The following PLD5 variants were observed in gnomAD, a reference collection of about 807,000 sequenced individuals.
The protein encoded by PLD5 is phospholipase D family member 5, also known as inactive phospholipase D5.
PLD5 carries 36 observed loss-of-function variants against 61.1 expected under a neutral mutation model. The ratio of observed to expected loss-of-function variants is 0.59; its 90% confidence interval spans 0.45 to 0.78. PLD5 has a LOEUF of 0.78. Ranked by LOEUF, PLD5 falls within the 30% of genes least tolerant of loss-of-function variation. The pLI, the probability that PLD5 is intolerant of heterozygous loss-of-function variation, is 0.00. For missense variants in PLD5, 515 were observed against 644.4 expected, an observed-to-expected ratio of 0.80 and a Z score of 2.17; for synonymous variants, 243 against 242.8, an observed-to-expected ratio of 1.00 and a Z score of -0.01.
chr1:242,503,293 A>T (rs1393840049), intron 1 of PLD5, among the ~76,000 whole-genome samples: 1 of 152,092 alleles, frequency 6.6e-6, no homozygotes, highest in Non-Finnish European at 1.5e-5. Context: ...GTTGTTTAAA[A>T]GGATGTGGCC....
At chr1:242,510,261 G>C (rs1180651004) in intron 1 of PLD5, among the ~76,000 whole-genome samples, 1 of 152,008 alleles carries the variant, frequency 6.6e-6, no homozygotes, top group Non-Finnish European at 1.5e-5. Context: ...TGCCAAATGG[G>C]GAACCACGGA....
At chr1:242,488,409 C>G (rs1025576390) in intron 1 of PLD5, among the ~76,000 whole-genome samples, 2 of 152,144 alleles carry the variant, frequency 1.3e-5, no homozygotes, top group Non-Finnish European at 2.9e-5. Context: ...AGCTATCATG[C>G]TTATGGAGAC....
chr1:242,268,715 A>C (rs571109936), intron 3 of PLD5, among the ~76,000 whole-genome samples: 6 of 152,150 alleles, frequency 3.9e-5, no homozygotes, highest in Non-Finnish European at 8.8e-5. Context: ...TCAGTGTGTT[A>C]TCTCCCCATA....
At chr1:242,391,605 C>T (rs941627533) in intron 1 of PLD5, among the ~76,000 whole-genome samples, 6 of 152,040 alleles carry the variant, frequency 3.9e-5, no homozygotes, top group Admixed American at 1.3e-4. Context: ...CCCATTTGAC[C>T]AAAGAAAAGT....
At chr1:242,330,024 GT>G (rs1404685644) in intron 2 of PLD5, among the ~76,000 whole-genome samples, 1 of 152,030 alleles carries the variant, frequency 6.6e-6, no homozygotes, top group South Asian at 2.1e-4. Flanking sequence ...TTGTAAGACA[GT>G]TTTTTTAAAA....
intron 1 of PLD5, among the ~76,000 whole-genome samples, chr1:242,447,114 T>C (rs1164593838): frequency 6.6e-6 from 1 of 152,242 alleles, no homozygotes; most frequent in Non-Finnish European, 1.5e-5. Flanking sequence ...TGTAAAATAT[T>C]GAGAACTTCT....
intron 5 of PLD5, among the ~76,000 whole-genome samples, chr1:242,144,070 G>A (rs577048338): frequency 2.7e-4 from 41 of 152,010 alleles, no homozygotes; most frequent in African/African-American, 7.0e-4. Context: ...GAGTTTTGCC[G>A]TGTTGACCAG....
intron 2 of PLD5, among the ~76,000 whole-genome samples, chr1:242,304,282 A>G (rs985988566): frequency 1.3e-5 from 2 of 152,274 alleles, no homozygotes; most frequent in African/African-American, 4.8e-5. Flanking sequence ...GTGAGTGCAC[A>G]TAACGGGCCC....
Position 242,157,250 on chromosome 1 carries a change from C to T in PLD5, c.736-32585G>A, listed in dbSNP as rs564920210. 1.8e-4 allele frequency among the ~76,000 whole-genome samples: 27 copies of T among 152,280 alleles called. No individual in the cohort carries two copies. The Middle Eastern group carries it at 0.01, about 58-fold the overall frequency. On this transcript the variant is annotated intron_variant, in intron 5 of 9. Transcript: ENST00000536534. The stretch of plus-strand genomic sequence containing the variant: ...AAACTGGATATTCTAGTTAGCAATT[C>T]GTCTAACCTTTTCTCAAGGTTCTTA...
intron 3 of PLD5, among the ~76,000 whole-genome samples, chr1:242,272,318 A>C (rs1197121547): frequency 6.6e-6 from 1 of 152,184 alleles, no homozygotes; most frequent in African/African-American, 2.4e-5. Flanking sequence ...ACTTCAAAAT[A>C]TATTTCTCAA....
chr1:242,187,346 G>A (rs529596542), intron 5 of PLD5, among the ~76,000 whole-genome samples: 1 of 152,306 alleles, frequency 6.6e-6, no homozygotes, highest in East Asian at 1.9e-4. Context: ...AAGACCCAGG[G>A]TCCTTGGTCG....
chr1:242,219,402 C>T (rs1025050358), intron 5 of PLD5, among the ~76,000 whole-genome samples: 3 of 152,114 alleles, frequency 2.0e-5, no homozygotes, highest in African/African-American at 7.2e-5. Flanking sequence ...GTTGGCTAGT[C>T]TTCCTAAGCA....
chr1:242,084,567 T>G lies in PLD5; in HGVS notation c.*5287A>C, dbSNP rs1342311214. The G allele has an allele frequency of 6.6e-6, 1 of 152,040 alleles. No homozygotes were observed. The highest frequency in any genetic ancestry group is 2.4e-5 in the African/African-American group (1 of 41,398). The allele number at this position is 152,040 out of a possible 1,614,324, so 9.4% of individuals were successfully genotyped here. On this transcript the variant is annotated 3_prime_UTR_variant, in exon 10 of 10. Transcript: ENST00000536534. ...GTCCTGACACTCTAGGCTGTCAACTTCTATGCCCAAATGGGAAGGGAATTT... is the reference window on the plus strand; with the variant it reads ...GTCCTGACACTCTAGGCTGTCAACTGCTATGCCCAAATGGGAAGGGAATTT...
intron 1 of PLD5, among the ~76,000 whole-genome samples, chr1:242,353,451 T>A (rs1249513658): frequency 1.3e-5 from 2 of 152,198 alleles, no homozygotes; most frequent in Non-Finnish European, 2.9e-5. Context: ...TGAAATCAGG[T>A]AGTGTGATGC....
chr1:242,486,415 CT>C (rs1477798318), intron 1 of PLD5, among the ~76,000 whole-genome samples: 2 of 152,126 alleles, frequency 1.3e-5, no homozygotes, highest in African/African-American at 4.8e-5. Context: ...TGAACAGACA[CT>C]TCTCAAAAGA....
At chr1:242,344,873 T>C (rs2149216517) in intron 2 of PLD5, among the ~76,000 whole-genome samples, 1 of 152,254 alleles carries the variant, frequency 6.6e-6, no homozygotes, top group Non-Finnish European at 1.5e-5. Flanking sequence ...TAATTGGACT[T>C]ACAGTTCCAC....
chr1:242,353,492 C>T (rs1047289073), intron 1 of PLD5, among the ~76,000 whole-genome samples: 3 of 152,040 alleles, frequency 2.0e-5, no homozygotes, highest in Admixed American at 6.6e-5. Context: ...CTAATGATTG[C>T]CTTGGCCATT....
At chr1:242,436,511 C>T (rs920225418) in intron 1 of PLD5, among the ~76,000 whole-genome samples, 1 of 152,168 alleles carries the variant, frequency 6.6e-6, no homozygotes, top group African/African-American at 2.4e-5. Flanking sequence ...TACAACACAA[C>T]TATGTTAATT....
intron 4 of PLD5, among the ~76,000 whole-genome samples, chr1:242,237,330 CTT>C (rs1424215405): frequency 1.3e-5 from 2 of 150,332 alleles, no homozygotes; most frequent in Admixed American, 6.6e-5. Context: ...AAAAAAAACA[CTT>C]TGTGCAGTTG....
Sources: gnomAD v4.1 joint callset for allele counts (sites outside exome capture counted in the v4.1 genomes callset) on GRCh38, gnomAD v4.1.1 for gene constraint, MANE v1.5 for transcripts, NCBI Gene and HGNC (gene_info 2026-07-23, HGNC 2026-07-21) for gene names.